The following WDR45 variants were observed in gnomAD, a reference collection of about 807,000 sequenced individuals.
WDR45 encodes WD repeat domain 45, also known as WD repeat domain phosphoinositide-interacting protein 4.
Under a neutral mutation model 27.3 loss-of-function variants are expected in WDR45, and 2 were observed. The observed-to-expected ratio is 0.07, with a 90% CI of 0.03 to 0.23. The LOEUF is 0.23. Ranked by LOEUF, WDR45 falls within the 10% of genes least tolerant of loss-of-function variation. WDR45 has a pLI of 1.00. For missense variants in WDR45, 175 were observed against 311.9 expected, an observed-to-expected ratio of 0.56 and a Z score of 3.31; for synonymous variants, 99 against 119.2, an observed-to-expected ratio of 0.83 and a Z score of 1.11.
intron 10 of WDR45, 75 bp from the exon 11 acceptor site, chrX:49,074,987 C>G: frequency 8.9e-7 from 1 of 1,127,924 alleles, no homozygotes; most frequent in South Asian, 1.9e-5. Flanking sequence ...CATCTCAGGA[C>G]CTAGGGTCTG....
intron 2 of WDR45, among the ~76,000 whole-genome samples, chrX:49,089,687 T>G (rs782406403): frequency 9.3e-6 from 1 of 106,963 alleles, no homozygotes; most frequent in South Asian, 4.1e-4. Flanking sequence ...CTCAGGAGGC[T>G]ATGGCAGGAA....
At chrX:49,095,461 G>A (rs1231172469) in intron 2 of WDR45, among the ~76,000 whole-genome samples, 3 of 109,430 alleles carry the variant, frequency 2.7e-5, no homozygotes, top group South Asian at 4.0e-4. Flanking sequence ...CACTACATCC[G>A]GCTAATTTTT....
chrX:49,076,043 G>A (rs1411169725), intron 6 of WDR45, 98 bp from the exon 7 acceptor site: 2 of 755,318 alleles, frequency 2.6e-6, no homozygotes, highest in Non-Finnish European at 4.0e-6. Context: ...AACCCTCCAC[G>A]ATAAGCTTAA....
intron 2 of WDR45, among the ~76,000 whole-genome samples, chrX:49,086,168 T>C (rs1557085871): frequency 9.0e-6 from 1 of 111,680 alleles, no homozygotes; most frequent in African/African-American, 3.3e-5. Context: ...AGAAGGTTAT[T>C]TGAGATGGAG....
Position 49,074,721 on chromosome X carries a change from G to A in WDR45, c.*82C>T, listed in dbSNP as rs1224267362. The A allele has an allele frequency of 4.9e-6, 4 of 811,434 alleles. No homozygotes were observed. In the East Asian group the frequency reaches 1.3e-4, roughly 26 times the overall value. The allele number at this position is 811,434 out of a possible 1,213,427, so 66.9% of individuals were successfully genotyped here. On this transcript the variant is annotated 3_prime_UTR_variant, in exon 11 of 11. Transcript: ENST00000376372. ...CAGCCCCATTAATGCTTGCTGGCTG[G>A]TGGCTTCCAAGCACGCCCCACTGCC... is the stretch of plus-strand genomic sequence containing the variant.
chrX:49,075,837 T>A (rs781969772), intron 7 of WDR45, 29 bp downstream of exon 7: 9 of 1,205,839 alleles, frequency 7.5e-6, no homozygotes, highest in Non-Finnish European at 1.0e-5. Context: ...TCCACCAACC[T>A]ACCCACCCTT....
At chrX:49,092,219 A>T (rs2147827108) in intron 2 of WDR45, among the ~76,000 whole-genome samples, 1 of 109,242 alleles carries the variant, frequency 9.2e-6, no homozygotes, top group Non-Finnish European at 1.9e-5. Flanking sequence ...TGCTATAGTA[A>T]CAAAGCAGAT....
chrX:49,078,476 C>T (rs781976324), intron 1 of WDR45, among the ~76,000 whole-genome samples: 1 of 111,559 alleles, frequency 9.0e-6, no homozygotes, highest in Non-Finnish European at 1.9e-5. Context: ...GAGCCGAAAT[C>T]GAGCCATTGC....
chrX:49,075,079 A>G, intron 10 of WDR45, 57 bp downstream of exon 10: 1 of 1,195,912 alleles, frequency 8.4e-7, no homozygotes, highest in Non-Finnish European at 1.1e-6. Context: ...TTTCAGGTCC[A>G]ACCTGCAGGC....
At chrX:49,095,084 G>A (rs999368400) in intron 2 of WDR45, among the ~76,000 whole-genome samples, 1 of 109,684 alleles carries the variant, frequency 9.1e-6, no homozygotes, top group African/African-American at 3.3e-5. Flanking sequence ...CACCGAGCCC[G>A]ACCATCCTGG....
chrX:49,080,046 G>A (rs1557084865), upstream of WDR45: 1 of 113,361 alleles, frequency 8.8e-6, no homozygotes, highest in Non-Finnish European at 1.9e-5. Flanking sequence ...AGCGGAGGAA[G>A]GTTGGCTGGG....
intron 2 of WDR45, among the ~76,000 whole-genome samples, chrX:49,096,478 G>A (rs959842114): frequency 1.8e-5 from 2 of 112,251 alleles, no homozygotes; most frequent in African/African-American, 6.5e-5. Flanking sequence ...CGATCCTCCT[G>A]TCTCAGCCTC....
chrX:49,075,369 G>A lies in WDR45; in HGVS notation c.822C>T (p.Arg274=). The A allele has an allele frequency of 8.3e-7, 1 of 1,207,229 alleles. No homozygotes were observed. Among genetic ancestry groups the A allele is most frequent in the Non-Finnish European group, 1.1e-6 (1 of 892,582 alleles). The change falls in exon 9 of 11, where the codon CGC becomes CGT. Residue 274 remains arginine, a synonymous_variant. Coordinates refer to ENST00000376372, the MANE Select transcript of WDR45 (RefSeq NM_001029896.2). Reference sequence around the variant, plus strand: ...GGTGGGGAGGGGGTACTCACGCGGAGCGGCGGTTGAGGCGGGTATCCTTGA... The same window carrying A: ...GGTGGGGAGGGGGTACTCACGCGGAACGGCGGTTGAGGCGGGTATCCTTGA... ...FALKDTRLNR[R]SALARVGKVG...
rs782134427 is a variant in WDR45, at chrX:49,074,698, G to A, written c.*105C>T. On this transcript the variant is annotated 3_prime_UTR_variant, in exon 11 of 11. Transcript: ENST00000376372. Reference sequence around the variant, plus strand: ...TCTGCTGAGTGGAAAGTGGGCACCAGCCCCATTAATGCTTGCTGGCTGGTG... The same window carrying A: ...TCTGCTGAGTGGAAAGTGGGCACCAACCCCATTAATGCTTGCTGGCTGGTG... The A allele has an allele frequency of 2.7e-5, 17 of 618,335 alleles. No individual in the cohort carries two copies. The South Asian group carries it at 4.3e-4, about 16-fold the overall frequency. 51.0% of individuals were successfully genotyped at this position (618,335 alleles called of 1,213,427 possible). A position where few individuals can be genotyped will look rare whatever the true frequency, so the allele number is the denominator to read the frequency against.
rs1557084026 is a variant in WDR45 at position 49,075,539 on chromosome X, G to A, written c.725+6C>T. On this transcript the variant is annotated splice_donor_region_variant and intron_variant, in intron 8 of 10. Coordinates refer to ENST00000376372, the MANE Select transcript of WDR45 (RefSeq NM_001029896.2). ...CACCAGCCCACCATGCATACCCTGT[G>A]CTCACCAGTAGAGGGTGGCAGGGTC... 2 of 1,211,515 alleles carry A rather than the reference G, an allele frequency of 1.7e-6. No homozygotes were observed. Among genetic ancestry groups the A allele is most frequent in the South Asian group, 3.5e-5 (2 of 56,985 alleles).
chrX:49,077,348 TAG>T (rs2065043687), intron 4 of WDR45: 2 of 364,838 alleles, frequency 5.5e-6, no homozygotes, highest in Admixed American at 4.5e-5. Context: ...TCCTACCCCA[TAG>T]AGTTACTGTG....
intron 4 of WDR45, chrX:49,077,314 G>A (rs188996709): frequency 1.1e-5 from 3 of 278,812 alleles, no homozygotes; most frequent in African/African-American, 2.7e-5. Context: ...TTTCCTCATC[G>A]GTAAAGATGG....
intron 2 of WDR45, among the ~76,000 whole-genome samples, chrX:49,085,557 C>G (rs1017723774): frequency 8.9e-6 from 1 of 112,705 alleles, no homozygotes; most frequent in Non-Finnish European, 1.9e-5. Flanking sequence ...TGTCTGTTAT[C>G]CAAACAAAGA....
At chrX:49,097,756 A>C (rs1336249969) in intron 2 of WDR45, among the ~76,000 whole-genome samples, 1 of 108,796 alleles carries the variant, frequency 9.2e-6, no homozygotes, top group Non-Finnish European at 1.9e-5. Context: ...TCCCAGGTTC[A>C]AGCGATTCTC....
Sources: allele counts gnomAD v4.1 joint callset (sites outside exome capture counted in the v4.1 genomes callset), GRCh38; gene constraint gnomAD v4.1.1; transcripts MANE v1.5; gene names NCBI Gene and HGNC (gene_info 2026-07-23, HGNC 2026-07-21).